Variants in EBF3 observed in about 807,000 individuals in gnomAD.
The protein encoded by EBF3 is EBF transcription factor 3.
A neutral mutation model predicts 77.1 loss-of-function variants in EBF3; 18 were observed. The ratio of observed to expected loss-of-function variants is 0.23; its 90% CI spans 0.16 to 0.35. The LOEUF is 0.35. Among genes scored for constraint, EBF3 ranks in the 10% least tolerant of loss-of-function variants. EBF3 has a pLI of 1.00. For missense variants in EBF3, 558 were observed against 860.0 expected (o/e 0.65, Z 4.39); for synonymous variants, 350 against 343.5 (o/e 1.02, Z -0.21).
chr10:129,926,730 G>A (rs889368856), intron 6 of EBF3, among the ~76,000 whole-genome samples: 3 of 152,272 alleles, frequency 2.0e-5, no homozygotes, highest in East Asian at 3.9e-4. Context: ...GAAAGAGGGT[G>A]CTCCAGGAAA....
At chr10:129,937,175 G>C (rs528768517) in intron 6 of EBF3, among the ~76,000 whole-genome samples, 9 of 152,280 alleles carry the variant, frequency 5.9e-5, no homozygotes, top group South Asian at 2.1e-4. Flanking sequence ...TCTACAACTG[G>C]GATCAGATGG....
At chr10:129,928,903 A>G (rs148869571) in intron 6 of EBF3, among the ~76,000 whole-genome samples, 27 of 152,306 alleles carry the variant, frequency 1.8e-4, no homozygotes, top group South Asian at 8.3e-4. Context: ...GAACTTTTCC[A>G]TATCTTTCAT....
At chr10:129,902,160 C>T (rs1854831730) in intron 6 of EBF3, among the ~76,000 whole-genome samples, 1 of 152,006 alleles carries the variant, frequency 6.6e-6, no homozygotes, top group Non-Finnish European at 1.5e-5. Context: ...ACTTAGTTCC[C>T]CACCACAACG....
intron 6 of EBF3, among the ~76,000 whole-genome samples, chr10:129,911,897 G>T (rs918824939): frequency 6.6e-6 from 1 of 152,136 alleles, no homozygotes; most frequent in African/African-American, 2.4e-5. Context: ...GTGGGCAAAG[G>T]GGTCTCCGCG....
chr10:129,876,854 G>T, intron 7 of EBF3, among the ~76,000 whole-genome samples: 1 of 143,132 alleles, frequency 7.0e-6, no homozygotes, highest in Admixed American at 7.4e-5. Context: ...CTATCATAAT[G>T]GTACATAAAT....
Position 129,936,774 on chromosome 10 carries a change from G to A in EBF3, c.554+20484C>T, listed in dbSNP as rs541386940. ...CAGCTGTGTGGGGACCCAGGGGGCT[G>A]TGGGGGGACCCTCAGCTGTGTGGGG... On this transcript the variant is annotated intron_variant, in intron 6 of 16. Coordinates refer to ENST00000440978, the MANE Select transcript of EBF3 (RefSeq NM_001375380.1). 2.2e-3 allele frequency among the ~76,000 whole-genome samples: 332 copies of A among 149,930 alleles called. 1 individual carries two copies. The highest frequency in any genetic ancestry group is 7.9e-3 in the African/African-American group (320 of 40,652).
chr10:129,901,205 C>T (rs1402449508), intron 6 of EBF3, among the ~76,000 whole-genome samples: 1 of 152,200 alleles, frequency 6.6e-6, no homozygotes, highest in East Asian at 1.9e-4. Flanking sequence ...TGCCAGTGCT[C>T]AGCTGACATC....
At chr10:129,956,313 A>G (rs958347057) in intron 6 of EBF3, among the ~76,000 whole-genome samples, 3 of 152,198 alleles carry the variant, frequency 2.0e-5, no homozygotes, top group Admixed American at 6.5e-5. Flanking sequence ...AACCGTCTAA[A>G]CCTCTGCTTC....
At chr10:129,925,374 C>A (rs1243795711) in intron 6 of EBF3, among the ~76,000 whole-genome samples, 1 of 151,778 alleles carries the variant, frequency 6.6e-6, no homozygotes, top group Non-Finnish European at 1.5e-5. Context: ...GGTACACAGA[C>A]CACTCAGGAG....
At chr10:129,898,964 G>A (rs1854589228) in intron 6 of EBF3, among the ~76,000 whole-genome samples, 1 of 152,172 alleles carries the variant, frequency 6.6e-6, no homozygotes, top group African/African-American at 2.4e-5. Context: ...CGTTTTTGGT[G>A]TCTGATCTGT....
rs1277932389 is a variant in EBF3, at chr10:129,944,868, G to A, written c.554+12390C>T. On this transcript the variant is annotated intron_variant, in intron 6 of 16. Transcript: ENST00000440978. This position sits in a 1 kb window ranked among gnomAD's most constrained non-coding sequence, Gnocchi z 5.1. The stretch of plus-strand genomic sequence containing the variant: ...CCTCTTCGAAAACACTATAGAATAT[G>A]TACGAAAATGTCAGGAGAACTGGGC... Among the ~76,000 whole-genome samples the A allele has an allele frequency of 1.3e-5, 2 of 151,356 alleles. No homozygotes were observed. The highest frequency in any genetic ancestry group is 2.4e-5 in the African/African-American group (1 of 41,072).
chr10:129,930,264 T>C (rs896971318), intron 6 of EBF3, among the ~76,000 whole-genome samples: 2 of 152,226 alleles, frequency 1.3e-5, no homozygotes, highest in Admixed American at 6.5e-5. Flanking sequence ...CAATCTGTCA[T>C]GGGACTTCTC....
chr10:129,962,313 A>G (rs1463906030), intron 3 of EBF3, 87 bp from the exon 4 acceptor site: 1 of 1,242,792 alleles, frequency 8.0e-7, no homozygotes, highest in Non-Finnish European at 1.2e-6. Context: ...TCTGTAACTC[A>G]GGACTGCTGC....
At chr10:129,875,360 T>C (rs532446705) in intron 7 of EBF3, among the ~76,000 whole-genome samples, 2 of 152,188 alleles carry the variant, frequency 1.3e-5, no homozygotes, top group African/African-American at 2.4e-5. Context: ...TGCACCTGGC[T>C]AATTTTTTGG....
chr10:129,877,903 A>G lies in EBF3; in HGVS notation c.555-54T>C. On this transcript the variant is annotated intron_variant, in intron 6 of 16. Transcript: ENST00000440978. ...ATTAGGGTTATCAGACAAAAGACTC[A>G]AACTTTTTAAAAGACACTCTTGCGC... 5 of 1,429,914 alleles carry G rather than the reference A, an allele frequency of 3.5e-6. No individual in the cohort carries two copies. The East Asian group carries it at 7.2e-5, about 21-fold the overall frequency. The allele number at this position is 1,429,914 out of a possible 1,614,324, so 88.6% of individuals were successfully genotyped here.
At chr10:129,921,920 CCT>C (rs553076435) in intron 6 of EBF3, among the ~76,000 whole-genome samples, 417 of 152,352 alleles carry the variant, frequency 2.7e-3, no homozygotes, top group Non-Finnish European at 4.3e-3. Flanking sequence ...TGGCCCGCCC[CCT>C]GTCTCTTGCT....
intron 6 of EBF3, among the ~76,000 whole-genome samples, chr10:129,915,862 G>A (rs550716553): frequency 1.6e-4 from 25 of 152,340 alleles, no homozygotes; most frequent in African/African-American, 6.0e-4. Context: ...AGCTCTCTGA[G>A]AACCTGGCTC....
rs1045597068 is a variant in EBF3 at position 129,841,322 on chromosome 10, C to T, written c.1373-290G>A. On this transcript the variant is annotated intron_variant, in intron 13 of 16. Coordinates refer to ENST00000440978, the MANE Select transcript of EBF3 (RefSeq NM_001375380.1). The surrounding 1 kb of genome is among the most constrained non-coding windows in gnomAD (Gnocchi z 4.6). ...TCTCTTTAGAGGCAATTATCAACAG[C>T]TTGGATTCCTGGTCTGTCCCCCCAC... Among the ~76,000 whole-genome samples, 1 of 152,204 alleles carries T rather than the reference C, an allele frequency of 6.6e-6. No individual in the cohort carries two copies. Among genetic ancestry groups the T allele is most frequent in the East Asian group, 1.9e-4 (1 of 5,188 alleles).
At chr10:129,959,416 G>C (rs968707606) in intron 4 of EBF3, among the ~76,000 whole-genome samples, 8 of 152,134 alleles carry the variant, frequency 5.3e-5, no homozygotes, top group Admixed American at 2.0e-4. Context: ...CGCGTCCTCA[G>C]GCCATTGTCT....
Sources: allele counts gnomAD v4.1 joint callset (sites outside exome capture counted in the v4.1 genomes callset), GRCh38; gene constraint gnomAD v4.1.1; non-coding constraint Gnocchi (gnomAD v3.1); transcripts MANE v1.5; gene names NCBI Gene and HGNC (gene_info 2026-07-23, HGNC 2026-07-21).